Variants in COL13A1 observed in about 807,000 individuals in gnomAD.
COL13A1 encodes the protein collagen type XIII alpha 1 chain.
COL13A1 carries 89 observed loss-of-function variants against 130.9 expected under a neutral mutation model. That is an observed-to-expected ratio of 0.68 (90% CI 0.57 to 0.81). The LOEUF is 0.81. Ranked by LOEUF, COL13A1 falls within the 30% of genes least tolerant of loss-of-function variation. COL13A1 has a pLI of 0.00. For synonymous variants in COL13A1, 402 were observed against 341.6 expected, an observed-to-expected ratio of 1.18 and a Z score of -1.95; for missense variants, 879 against 934.6, an observed-to-expected ratio of 0.94 and a Z score of 0.78.
At chr10:69,887,779 A>T (rs987795702) in intron 8 of COL13A1, among the ~76,000 whole-genome samples, 1 of 152,172 alleles carries the variant, frequency 6.6e-6, no homozygotes, top group Non-Finnish European at 1.5e-5. Context: ...TTGACCTGGG[A>T]ATATAGAATG....
intron 29 of COL13A1, 113 bp downstream of exon 29, chr10:69,930,200 G>A (rs2065921469): frequency 1.1e-5 from 12 of 1,099,914 alleles, no homozygotes; most frequent in Non-Finnish European, 1.5e-5. Flanking sequence ...GTGGGCAAGG[G>A]AAGGGGAGAT....
At chr10:69,914,786 C>T (rs531078337) in intron 17 of COL13A1, among the ~76,000 whole-genome samples, 3 of 152,336 alleles carry the variant, frequency 2.0e-5, no homozygotes, top group South Asian at 2.1e-4. Context: ...GCTTGGAGAC[C>T]GCTGTGGCGG....
intron 2 of COL13A1, among the ~76,000 whole-genome samples, chr10:69,827,900 G>C (rs1847884865): frequency 6.6e-6 from 1 of 152,052 alleles, no homozygotes. Flanking sequence ...CAGCAGCGCA[G>C]ACCCCGAGCC....
intron 2 of COL13A1, among the ~76,000 whole-genome samples, chr10:69,858,227 C>T (rs1184031071): frequency 2.6e-5 from 4 of 151,876 alleles, no homozygotes; most frequent in African/African-American, 9.7e-5. Flanking sequence ...GGATTGGATG[C>T]CATTATTTCT....
At position 69,898,767 on chromosome 10, in the gene COL13A1, A is replaced by G. The variant is rs1277346847; in HGVS notation, c.750+5A>G. ...ATAAAAAGGCGGACGTTCCAGGTAG[A>G]CACCTCCCGTTTGTCCAGACCATGT... On this transcript the variant is annotated splice_donor_5th_base_variant and intron_variant, in intron 14 of 40. Coordinates refer to ENST00000645393, the MANE Select transcript of COL13A1 (RefSeq NM_001368882.1). 3 of 1,611,082 alleles carry G rather than the reference A, an allele frequency of 1.9e-6. No individual in the cohort carries two copies.
At chr10:69,803,906 T>C (rs935134259) in intron 1 of COL13A1, among the ~76,000 whole-genome samples, 3 of 152,138 alleles carry the variant, frequency 2.0e-5, no homozygotes, top group African/African-American at 7.2e-5. Context: ...CTATTCCCTA[T>C]AGCCAGGCTC....
chr10:69,852,516 TAGTGCCAGCACCAACATAGAGC>T (rs1413772750), intron 2 of COL13A1, among the ~76,000 whole-genome samples: 1 of 152,268 alleles, frequency 6.6e-6, no homozygotes, highest in African/African-American at 2.4e-5. Flanking sequence ...TCTACCTCTA[TAGTGCCAGCACCAACATAGAGC>T]AGTGCCAGAT....
intron 1 of COL13A1, among the ~76,000 whole-genome samples, chr10:69,810,178 T>C (rs1400409327): frequency 6.6e-6 from 1 of 152,162 alleles, no homozygotes; most frequent in Non-Finnish European, 1.5e-5. Context: ...CTTGCCCTTG[T>C]ACGGGTGATG....
chr10:69,841,698 A>G (rs940641485), intron 2 of COL13A1, among the ~76,000 whole-genome samples: 1 of 152,184 alleles, frequency 6.6e-6, no homozygotes, highest in Non-Finnish European at 1.5e-5. Flanking sequence ...GCAAGGTTTC[A>G]TGAGAAACTA....
At chr10:69,878,451 T>TG (rs2134251703) in intron 6 of COL13A1, among the ~76,000 whole-genome samples, 1 of 151,214 alleles carries the variant, frequency 6.6e-6, no homozygotes, top group South Asian at 2.1e-4. Flanking sequence ...ACATCAGCCC[T>TG]GGGGGGTTCT....
At chr10:69,888,910 G>A (rs964872653) in intron 9 of COL13A1, among the ~76,000 whole-genome samples, 14 of 152,182 alleles carry the variant, frequency 9.2e-5, no homozygotes, top group African/African-American at 2.9e-4. Context: ...TCAGCTGGAA[G>A]GGAGCATGAC....
At chr10:69,913,614 T>C (rs2063608093) in intron 17 of COL13A1, among the ~76,000 whole-genome samples, 1 of 152,080 alleles carries the variant, frequency 6.6e-6, no homozygotes, top group Non-Finnish European at 1.5e-5. Context: ...CCCCGCCTCC[T>C]GCCTCCTGCA....
intron 35 of COL13A1, among the ~76,000 whole-genome samples, chr10:69,942,439 C>G (rs893043684): frequency 6.6e-6 from 1 of 152,182 alleles, no homozygotes; most frequent in Non-Finnish European, 1.5e-5. Context: ...TCTGTGGTTG[C>G]AATCAGAGAA....
At chr10:69,831,287 C>G (rs1227760) in intron 2 of COL13A1, among the ~76,000 whole-genome samples, 1 of 151,924 alleles carries the variant, frequency 6.6e-6, no homozygotes, top group African/African-American at 2.4e-5. Context: ...AGGACCCAGA[C>G]CCAGGGGGTC....
At chr10:69,810,819 C>T (rs1403450086) in intron 1 of COL13A1, among the ~76,000 whole-genome samples, 3 of 152,250 alleles carry the variant, frequency 2.0e-5, no homozygotes, top group South Asian at 4.1e-4. Flanking sequence ...TGCTGACACT[C>T]CCGCTCTCCC....
intron 17 of COL13A1, among the ~76,000 whole-genome samples, chr10:69,906,549 G>A (rs897349488): frequency 6.6e-6 from 1 of 152,006 alleles, no homozygotes; most frequent in Non-Finnish European, 1.5e-5. Flanking sequence ...AAATGGGCAG[G>A]TCCCAGTGCA....
chr10:69,828,131 A>G (rs1227753), intron 2 of COL13A1, among the ~76,000 whole-genome samples: 71,500 of 151,938 alleles, frequency 0.47, 17,368 homozygotes, highest in Non-Finnish European at 0.55. Context: ...CATTCTTGCT[A>G]TTTCTTAAAG....
chr10:69,910,832 T>C (rs913945350), intron 17 of COL13A1, among the ~76,000 whole-genome samples: 1 of 152,248 alleles, frequency 6.6e-6, no homozygotes, highest in African/African-American at 2.4e-5. Flanking sequence ...TGGTGAGAGC[T>C]TATCTTTTAA....
chr10:69,880,373 T>C, intron 6 of COL13A1, 130 bp from the exon 7 acceptor site: 1 of 715,416 alleles, frequency 1.4e-6, no homozygotes, highest in Non-Finnish European at 2.6e-6. Context: ...ATCCCTCTCC[T>C]GTCCCATGGG....
Sources: allele counts gnomAD v4.1 joint callset (sites outside exome capture counted in the v4.1 genomes callset), GRCh38; gene constraint gnomAD v4.1.1; transcripts MANE v1.5; gene names NCBI Gene and HGNC (gene_info 2026-07-23, HGNC 2026-07-21).